TRPM3: variants seen among roughly 807,000 people sequenced by gnomAD.
TRPM3 encodes transient receptor potential cation channel subfamily M member 3.
Under a neutral mutation model 181.2 loss-of-function variants are expected in TRPM3, and 77 were observed. The ratio of observed to expected loss-of-function variants is 0.42; its 90% CI spans 0.35 to 0.51. TRPM3 has a LOEUF of 0.51. Among genes scored for constraint, TRPM3 ranks in the 20% least tolerant of loss-of-function variants. The pLI is 0.01. For synonymous variants in TRPM3, 745 were observed against 796.4 expected (o/e 0.94, Z 1.09); for missense variants, 1,759 against 2,196.7 (o/e 0.80, Z 3.98).
intron 8 of TRPM3, chr9:70,761,313 C>A: frequency 1.6e-6 from 1 of 612,470 alleles, no homozygotes; most frequent in South Asian, 2.0e-5. Context: ...CAGGAGGGGA[C>A]CAATTTTATC....
chr9:70,662,688 G>A (rs1239780523), intron 9 of TRPM3, among the ~76,000 whole-genome samples: 1 of 152,182 alleles, frequency 6.6e-6, no homozygotes, highest in Non-Finnish European at 1.5e-5. Context: ...AAACCACAGT[G>A]AGACACCAGC....
chr9:70,859,261 A>G (rs2095465839), intron 3 of TRPM3, among the ~76,000 whole-genome samples: 1 of 152,158 alleles, frequency 6.6e-6, no homozygotes, highest in South Asian at 2.1e-4. Context: ...TCTAAGTTCC[A>G]CAGAGCCATG....
chr9:70,830,073 G>A (rs1410462168), intron 5 of TRPM3, among the ~76,000 whole-genome samples: 3 of 152,198 alleles, frequency 2.0e-5, no homozygotes, highest in African/African-American at 4.8e-5. Flanking sequence ...TTGAGAAGGA[G>A]GGGTAAGACC....
At chr9:71,318,883 A>G (rs2088911799) in intron 1 of TRPM3, among the ~76,000 whole-genome samples, 2 of 151,912 alleles carry the variant, frequency 1.3e-5, no homozygotes, top group Admixed American at 6.6e-5. Context: ...TTGCCCCCTA[A>G]ACTTTCCCTT....
At chr9:71,374,138 G>T (rs1255247578) in intron 1 of TRPM3, among the ~76,000 whole-genome samples, 1 of 152,196 alleles carries the variant, frequency 6.6e-6, no homozygotes, top group Non-Finnish European at 1.5e-5. Flanking sequence ...CACTTTGGAA[G>T]GCTGAGGCAG....
intron 1 of TRPM3, among the ~76,000 whole-genome samples, chr9:70,874,420 A>C (rs1741065444): frequency 6.6e-6 from 1 of 151,990 alleles, no homozygotes; most frequent in Admixed American, 6.6e-5. Context: ...ATAGAGGTTA[A>C]GCATCATGCC....
At chr9:71,367,308 C>T (rs2092366677) in intron 1 of TRPM3, among the ~76,000 whole-genome samples, 1 of 152,130 alleles carries the variant, frequency 6.6e-6, no homozygotes, top group Admixed American at 6.5e-5. Flanking sequence ...ATCATAATAA[C>T]AGCTGACCAC....
chr9:70,749,865 G>T (rs1460041953), intron 8 of TRPM3, among the ~76,000 whole-genome samples: 1 of 152,162 alleles, frequency 6.6e-6, no homozygotes, highest in Non-Finnish European at 1.5e-5. Flanking sequence ...GGTAAGAGAA[G>T]CATAATGGAT....
At chr9:71,035,584 G>A (rs1449821162) in intron 1 of TRPM3, among the ~76,000 whole-genome samples, 4 of 152,136 alleles carry the variant, frequency 2.6e-5, no homozygotes, top group African/African-American at 9.7e-5. Context: ...AGGCTTGATA[G>A]CACATGCCTG....
In TRPM3 at chr9:70,533,939, T is replaced by C. The variant is rs1431192547; in HGVS notation, c.*2014A>G. 6.6e-6 allele frequency: 1 copy of C among 152,250 alleles called. No homozygotes were observed. Among genetic ancestry groups the C allele is most frequent in the Non-Finnish European group, 1.5e-5 (1 of 68,036 alleles). The allele number at this position is 152,250 out of a possible 1,614,324, so 9.4% of individuals were successfully genotyped here. A position where few individuals can be genotyped will look rare whatever the true frequency, so the allele number is the denominator to read the frequency against. On this transcript the variant is annotated 3_prime_UTR_variant, in exon 26 of 26. Coordinates refer to ENST00000677713, the MANE Select transcript of TRPM3 (RefSeq NM_001366145.2). ...TATATTTAAAGGCCATGTATTTACT[T>C]GATTTCACAAAATAAAGTAAAACTT...
At chr9:71,095,876 T>C (rs1205333990) in intron 1 of TRPM3, among the ~76,000 whole-genome samples, 1 of 152,026 alleles carries the variant, frequency 6.6e-6, no homozygotes, top group Non-Finnish European at 1.5e-5. Context: ...TTATCCCTTC[T>C]TCACCCAGAT....
chr9:71,442,826 T>C (rs1244873093), intron 1 of TRPM3, among the ~76,000 whole-genome samples: 1 of 152,236 alleles, frequency 6.6e-6, no homozygotes, highest in South Asian at 2.1e-4. Context: ...GAATCACCTT[T>C]CAATAGATTT....
At chr9:71,148,282 C>G (rs1054896290) in intron 1 of TRPM3, among the ~76,000 whole-genome samples, 1 of 152,082 alleles carries the variant, frequency 6.6e-6, no homozygotes, top group Non-Finnish European at 1.5e-5. Context: ...AAATAGTTCT[C>G]TAATTACTAG....
intron 1 of TRPM3, among the ~76,000 whole-genome samples, chr9:70,947,508 T>C (rs2096947732): frequency 1.3e-5 from 2 of 152,222 alleles, no homozygotes; most frequent in Non-Finnish European, 2.9e-5. Flanking sequence ...TTTAGAGAAT[T>C]ATCCTCTAGT....
At chr9:70,746,547 A>G (rs1438989104) in intron 8 of TRPM3, among the ~76,000 whole-genome samples, 4 of 152,166 alleles carry the variant, frequency 2.6e-5, no homozygotes, top group African/African-American at 9.7e-5. Context: ...GAAAGTCGTC[A>G]GCTCTGTAGC....
chr9:71,441,763 G>A (rs1166454013), intron 1 of TRPM3, among the ~76,000 whole-genome samples: 1 of 151,642 alleles, frequency 6.6e-6, no homozygotes, highest in African/African-American at 2.4e-5. Context: ...CTCCTGAGTA[G>A]CTGGGACTAC....
intron 1 of TRPM3, among the ~76,000 whole-genome samples, chr9:71,254,258 G>T (rs1174030193): frequency 6.6e-6 from 1 of 152,024 alleles, no homozygotes; most frequent in African/African-American, 2.4e-5. Flanking sequence ...AGCGCAGAAA[G>T]GTAAATACCA....
At chr9:70,957,848 C>A (rs191845085) in intron 1 of TRPM3, among the ~76,000 whole-genome samples, 5 of 152,150 alleles carry the variant, frequency 3.3e-5, no homozygotes, top group African/African-American at 1.2e-4. Flanking sequence ...TTTTAGCACT[C>A]CTTACAAGCT....
chr9:70,841,646 AT>A (rs1564539988), intron 5 of TRPM3, among the ~76,000 whole-genome samples: 1,504 of 131,854 alleles, frequency 0.011, 87 homozygotes, highest in African/African-American at 0.046. Flanking sequence ...ATATATATAT[AT>A]ATATATATAT....
Sources: allele counts gnomAD v4.1 joint callset (sites outside exome capture counted in the v4.1 genomes callset), GRCh38; gene constraint gnomAD v4.1.1; transcripts MANE v1.5; gene names NCBI Gene and HGNC (gene_info 2026-07-23, HGNC 2026-07-21).